The following KIF5B variants were observed in gnomAD, a reference collection of about 807,000 sequenced individuals.
KIF5B encodes the protein kinesin-1 heavy chain.
Under a neutral mutation model 132.8 loss-of-function variants are expected in KIF5B, and 49 were observed. The ratio of observed to expected loss-of-function variants is 0.37; its 90% confidence interval spans 0.29 to 0.47. The LOEUF (loss-of-function observed/expected upper bound fraction) is 0.47, where lower values mean the gene tolerates loss of function less well. KIF5B is among the 20% of genes least tolerant of loss of function. The pLI, the probability that KIF5B is intolerant of heterozygous loss-of-function variation, is 1.00. For synonymous variants in KIF5B, 355 were observed against 369.4 expected (o/e 0.96, Z 0.45); for missense variants, 780 against 1,144.0 (o/e 0.68, Z 4.59).
intron 25 of KIF5B, among the ~76,000 whole-genome samples, chr10:32,014,203 T>C (rs1383230328): frequency 6.6e-6 from 1 of 152,152 alleles, no homozygotes; most frequent in Non-Finnish European, 1.5e-5. Flanking sequence ...GTGTTCCGAA[T>C]ATATTGCTAA....
rs1841361613 is a variant in KIF5B, at chr10:32,028,569, T to C, written c.1584A>G (p.Ala528=). ...GCTCAGCATCTATACTCGCTAAAGT[T>C]GCCTAAGAGAACCCAAAACAAAAAG... The part of the protein sequence containing the change: ...LLSDELNQKS[A]TLASIDAELQ... Residue 528 remains alanine, a splice_region_variant and synonymous_variant, in exon 15 of 26, where the codon GCA becomes GCG. Coordinates refer to ENST00000302418, the MANE Select transcript of KIF5B (RefSeq NM_004521.3). The C allele has an allele frequency of 1.2e-6, 2 of 1,606,172 alleles. No individual in the cohort carries two copies. The highest frequency in any genetic ancestry group is 1.7e-6 in the Non-Finnish European group (2 of 1,177,486).
At chr10:32,049,023 C>T (rs1366517138) in intron 1 of KIF5B, among the ~76,000 whole-genome samples, 1 of 152,112 alleles carries the variant, frequency 6.6e-6, no homozygotes, top group African/African-American at 2.4e-5. Flanking sequence ...CATGTGCCAC[C>T]ATGCTATGTT....
At chr10:32,044,694 AG>A (rs1841586929) in intron 2 of KIF5B, among the ~76,000 whole-genome samples, 2 of 152,024 alleles carry the variant, frequency 1.3e-5, no homozygotes, top group South Asian at 4.1e-4. Context: ...AAAAAAAAAA[AG>A]AAGACAACGA....
Position 32,017,127 on chromosome 10 carries a change from A to G in KIF5B, c.2761+16T>C. The G allele has an allele frequency of 6.3e-7, 1 of 1,596,952 alleles. No individual in the cohort carries two copies. Among genetic ancestry groups the G allele is most frequent in the Non-Finnish European group, 8.6e-7 (1 of 1,164,380 alleles). On this transcript the variant is annotated intron_variant, in intron 24 of 25. Coordinates refer to ENST00000302418, the MANE Select transcript of KIF5B (RefSeq NM_004521.3). ...AAATTGAGCAAGGTTTAAAGGTTTT[A>G]ATGTGTTCTACTAACCAATCTGTGC...
intron 1 of KIF5B, 110 bp downstream of exon 1, chr10:32,055,738 C>T: frequency 7.1e-7 from 1 of 1,408,120 alleles, no homozygotes; most frequent in South Asian, 1.3e-5. Context: ...CCGGGGAGGG[C>T]TGGGGACACC....
intron 7 of KIF5B, 27 bp from the exon 8 acceptor site, chr10:32,037,405 T>A: frequency 6.2e-7 from 1 of 1,607,454 alleles, no homozygotes; most frequent in Non-Finnish European, 8.5e-7. Context: ...CAAACAAATA[T>A]AAACAAACAT....
chr10:32,034,151 C>A (rs957043087), intron 11 of KIF5B, 113 bp from the exon 12 acceptor site: 9 of 637,592 alleles, frequency 1.4e-5, no homozygotes, highest in Non-Finnish European at 2.0e-5. Flanking sequence ...CAATCTGTCA[C>A]CCTGGCTGGA....
intron 16 of KIF5B, 31 bp from the exon 17 acceptor site, chr10:32,022,288 GAA>G: frequency 1.0e-6 from 1 of 993,582 alleles, no homozygotes; most frequent in Non-Finnish European, 1.6e-6. Context: ...ATATGAAGTG[GAA>G]AACATATGCA....
intron 9 of KIF5B, 34 bp downstream of exon 9, chr10:32,035,856 A>G: frequency 6.6e-7 from 1 of 1,515,198 alleles, no homozygotes; most frequent in Non-Finnish European, 9.1e-7. Flanking sequence ...ATGCCCCATA[A>G]GGTAACAGGG....
chr10:32,030,882 G>C (rs1383953599), intron 14 of KIF5B, among the ~76,000 whole-genome samples, 191 bp downstream of exon 14: 1 of 152,030 alleles, frequency 6.6e-6, no homozygotes, highest in Non-Finnish European at 1.5e-5. Flanking sequence ...CAGACCTTTA[G>C]GAACTAAAAT....
Position 32,055,896 on chromosome 10 carries a change from G to T in KIF5B, c.78C>A (p.Gly26=). ...RPLNESEVNR[G]DKYIAKFQGE... The stretch of plus-strand genomic sequence containing the variant: ...CCTGAAACTTGGCGATGTACTTGTC[G>T]CCGCGGTTCACTTCAGACTCGTTGA... The change falls in exon 1 of 26, where the codon GGC becomes GGA. Residue 26 remains glycine, a synonymous_variant. Coordinates refer to ENST00000302418, the MANE Select transcript of KIF5B (RefSeq NM_004521.3). 1 of 1,612,898 alleles carries T rather than the reference G, an allele frequency of 6.2e-7. No individual in the cohort carries two copies. The highest frequency in any genetic ancestry group is 8.5e-7 in the Non-Finnish European group (1 of 1,179,876).
intron 11 of KIF5B, 102 bp downstream of exon 11, chr10:32,034,588 T>G (rs1841441064): frequency 1.2e-6 from 1 of 803,186 alleles, no homozygotes; most frequent in Non-Finnish European, 1.8e-6. Context: ...CTATTAAATT[T>G]CTTGATCTAG....
At chr10:32,040,486 G>A in intron 2 of KIF5B, 29 bp from the exon 3 acceptor site, 13 of 1,328,468 alleles carry the variant, frequency 9.8e-6, no homozygotes, top group Non-Finnish European at 1.4e-5. Context: ...TAGTTCAGGG[G>A]ATTTTTTCCT....
At chr10:32,021,873 G>A (rs1300274157) in intron 17 of KIF5B, among the ~76,000 whole-genome samples, 8 of 152,110 alleles carry the variant, frequency 5.3e-5, no homozygotes, top group Non-Finnish European at 8.8e-5. Flanking sequence ...TAGGGAGGCT[G>A]CAGCAGGAGA....
In KIF5B at chr10:32,037,263, A is replaced by G; in HGVS notation, c.702T>C (p.Gly234=). 5.0e-6 allele frequency: 8 copies of G among 1,611,614 alleles called. No individual in the cohort carries two copies. Among genetic ancestry groups the G allele is most frequent in the Non-Finnish European group, 6.8e-6 (8 of 1,179,366 alleles). ...SGKLYLVDLA[G]SEKVSKTGAE... ...TACATGAAGACTTTACCTTTTCACT[A>G]CCAGCTAAATCAACCAGATAAAGTT... The change falls in exon 8 of 26, where the codon GGT becomes GGC. Residue 234 remains glycine, a synonymous_variant. Transcript: ENST00000302418.
intron 4 of KIF5B, among the ~76,000 whole-genome samples, 189 bp from the exon 5 acceptor site, chr10:32,039,015 G>A (rs1173308760): frequency 6.6e-6 from 1 of 152,124 alleles, no homozygotes; most frequent in Non-Finnish European, 1.5e-5. Flanking sequence ...CTTCCCATTG[G>A]ACATAAATTA....
At chr10:32,044,958 A>G (rs1394211240) in intron 2 of KIF5B, among the ~76,000 whole-genome samples, 1 of 152,236 alleles carries the variant, frequency 6.6e-6, no homozygotes, top group African/African-American at 2.4e-5. Flanking sequence ...GAAGGGACTG[A>G]AATTTTGAGA....
At chr10:32,020,121 A>C (rs1049479042) in intron 19 of KIF5B, among the ~76,000 whole-genome samples, 162 bp from the exon 20 acceptor site, 3 of 152,188 alleles carry the variant, frequency 2.0e-5, no homozygotes, top group African/African-American at 7.2e-5. Context: ...CTACTTGTGG[A>C]CATACAAAAT....
intron 1 of KIF5B, among the ~76,000 whole-genome samples, chr10:32,053,552 C>G (rs1322784392): frequency 6.6e-6 from 1 of 151,712 alleles, no homozygotes; most frequent in Non-Finnish European, 1.5e-5. Context: ...TGGTGAAACC[C>G]ATCTCTACTA....
Sources: gnomAD v4.1 joint callset for allele counts (sites outside exome capture counted in the v4.1 genomes callset) on GRCh38, gnomAD v4.1.1 for gene constraint, MANE v1.5 for transcripts, NCBI Gene and HGNC (gene_info 2026-07-23, HGNC 2026-07-21) for gene names.